Variants in ZCCHC8 observed in about 807,000 individuals in gnomAD.
The protein encoded by ZCCHC8 is zinc finger CCHC domain-containing protein 8.
A neutral mutation model predicts 70.6 loss-of-function variants in ZCCHC8; 27 were observed. The observed-to-expected ratio is 0.38, with a 90% confidence interval of 0.28 to 0.53. ZCCHC8 has a LOEUF of 0.53. Ranked by LOEUF, ZCCHC8 falls within the 20% of genes least tolerant of loss-of-function variation. The pLI, the probability that ZCCHC8 is intolerant of heterozygous loss-of-function variation, is 0.81. For missense variants in ZCCHC8, 737 were observed against 876.9 expected (o/e 0.84, Z 2.01); for synonymous variants, 293 against 317.4 (o/e 0.92, Z 0.82).
chr12:122,476,750 C>T (rs555850343), intron 13 of ZCCHC8, among the ~76,000 whole-genome samples: 5 of 152,238 alleles, frequency 3.3e-5, no homozygotes, highest in South Asian at 4.1e-4. Flanking sequence ...GGGCCAGGCA[C>T]GGTGGCTCAC....
intron 2 of ZCCHC8, among the ~76,000 whole-genome samples, chr12:122,497,140 C>T (rs923509656): frequency 2.7e-5 from 4 of 150,880 alleles, no homozygotes; most frequent in South Asian, 2.1e-4. Flanking sequence ...GGCGACAGAG[C>T]GAGACTCCAT....
intron 2 of ZCCHC8, among the ~76,000 whole-genome samples, chr12:122,495,784 G>A (rs2137370053): frequency 6.9e-6 from 1 of 143,960 alleles, no homozygotes; most frequent in Non-Finnish European, 1.5e-5. Context: ...GGAGGCAGAG[G>A]TTGCAGTGAG....
chr12:122,495,847 C>CAAAAAAAAAA (rs538311699), intron 2 of ZCCHC8, among the ~76,000 whole-genome samples: 3 of 78,316 alleles, frequency 3.8e-5, no homozygotes, highest in East Asian at 5.5e-4. Flanking sequence ...CACTCTGTCT[C>CAAAAAAAAAA]AAAAAAAAAA....
chr12:122,489,722 T>C (rs572456490), intron 4 of ZCCHC8, among the ~76,000 whole-genome samples: 47 of 152,304 alleles, frequency 3.1e-4, no homozygotes, highest in African/African-American at 9.4e-4. Flanking sequence ...TATATAGTTT[T>C]ACATTACTGG....
In ZCCHC8 at chr12:122,483,744, C is replaced by T. The variant is rs1957582128; in HGVS notation, c.502-181G>A. 1 of 586,552 alleles carries T rather than the reference C, an allele frequency of 1.7e-6. No individual in the cohort carries two copies. The highest frequency in any genetic ancestry group is 1.9e-5 in the African/African-American group (1 of 53,714). The allele number at this position is 586,552 out of a possible 1,614,324, so 36.3% of individuals were successfully genotyped here. On this transcript the variant is annotated intron_variant, in intron 5 of 13. Coordinates refer to ENST00000633063, the MANE Select transcript of ZCCHC8 (RefSeq NM_017612.5). The surrounding 1 kb of genome is among the most constrained non-coding windows in gnomAD (Gnocchi z 4.4). ...AAGTAGAAACTACATCGTCAGTTCCCTCTCTCTGCTAGATCAGTTTTTCCT... is the reference window on the plus strand; with the variant it reads ...AAGTAGAAACTACATCGTCAGTTCCTTCTCTCTGCTAGATCAGTTTTTCCT...
chr12:122,489,303 C>T (rs2137354776), intron 5 of ZCCHC8, 83 bp downstream of exon 5: 3 of 1,304,244 alleles, frequency 2.3e-6, no homozygotes, highest in African/African-American at 1.5e-5. Context: ...GACTATACTA[C>T]TTTATCTTTT....
chr12:122,493,775 G>A (rs1158778328), intron 2 of ZCCHC8, among the ~76,000 whole-genome samples: 1 of 151,936 alleles, frequency 6.6e-6, no homozygotes, highest in Admixed American at 6.6e-5. Context: ...ACCATGCCCA[G>A]CTAAGTTTTT....
intron 11 of ZCCHC8, among the ~76,000 whole-genome samples, chr12:122,479,927 C>T (rs1250248862): frequency 6.6e-6 from 1 of 152,136 alleles, no homozygotes; most frequent in African/African-American, 2.4e-5. Flanking sequence ...CCTCCCACCC[C>T]AGCCTCCCTA....
chr12:122,474,788 GCA>G (rs199603120), intron 13 of ZCCHC8, among the ~76,000 whole-genome samples: 50,940 of 146,774 alleles, frequency 0.35, 10,752 homozygotes, highest in Non-Finnish European at 0.44. Context: ...AGGCTGGAGT[GCA>G]GTGGCACAAT....
chr12:122,476,124 C>T (rs2137322204), intron 13 of ZCCHC8, among the ~76,000 whole-genome samples: 1 of 152,330 alleles, frequency 6.6e-6, no homozygotes, highest in East Asian at 1.9e-4. Context: ...CTGTATATAT[C>T]ACTGTGGGCC....
chr12:122,480,271 CT>C lies in ZCCHC8; in HGVS notation c.1058del (p.Gln353ArgfsTer60), dbSNP rs1957505683. ...DGETEVGEIQQNKSVTYDLSK... is the reference protein window; with the variant it reads ...DGETEVGEIQXNKSVTYDLSK... ...AGAGATCGTAAGTGACACTTTTATT[CT>C]GTTGTATTTCTCCAACTTCTGTTTC... On this transcript the variant is annotated frameshift_variant, in exon 11 of 14. Coordinates refer to ENST00000633063, the MANE Select transcript of ZCCHC8 (RefSeq NM_017612.5). LOFTEE classifies it high-confidence loss of function. 6.2e-7 allele frequency: 1 copy of C among 1,608,960 alleles called. No homozygotes were observed. The highest frequency in any genetic ancestry group is 1.7e-5 in the Admixed American group (1 of 59,288).
At chr12:122,481,822 T>C (rs1472926177) in intron 9 of ZCCHC8, 123 bp downstream of exon 9, 29 of 1,392,982 alleles carry the variant, frequency 2.1e-5, no homozygotes, top group Non-Finnish European at 2.8e-5. Context: ...AATGAATTAA[T>C]GTATATTACC....
At chr12:122,484,646 G>C (rs1319083955) in intron 5 of ZCCHC8, among the ~76,000 whole-genome samples, 1 of 151,776 alleles carries the variant, frequency 6.6e-6, no homozygotes, top group Non-Finnish European at 1.5e-5. Flanking sequence ...TCCCGCCTCA[G>C]CCTCCCAAAG....
At chr12:122,495,367 A>T (rs11058398) in intron 2 of ZCCHC8, among the ~76,000 whole-genome samples, 93,013 of 151,828 alleles carry the variant, frequency 0.61, 29,332 homozygotes, top group African/African-American at 0.75. Context: ...GGCACACACC[A>T]GTAGCCCCAG....
At chr12:122,476,662 G>A (rs1399851367) in intron 13 of ZCCHC8, among the ~76,000 whole-genome samples, 1 of 151,704 alleles carries the variant, frequency 6.6e-6, no homozygotes, top group Non-Finnish European at 1.5e-5. Flanking sequence ...AACTGAAAAT[G>A]CCTACACAGA....
At chr12:122,488,372 T>A (rs1486316731) in intron 5 of ZCCHC8, among the ~76,000 whole-genome samples, 1 of 151,720 alleles carries the variant, frequency 6.6e-6, no homozygotes, top group Non-Finnish European at 1.5e-5. Context: ...TAGAGATGAG[T>A]TCTGGCTATG....
intron 4 of ZCCHC8, 91 bp from the exon 5 acceptor site, chr12:122,489,554 T>C: frequency 8.5e-7 from 1 of 1,179,398 alleles, no homozygotes; most frequent in African/African-American, 1.5e-5. Flanking sequence ...AAGCTAAGAA[T>C]GTTTATGAAC....
In ZCCHC8 at chr12:122,474,108, T is replaced by C. The variant is rs1957368808; in HGVS notation, c.1513A>G (p.Thr505Ala). Residue 505 changes from threonine (T) to alanine (A), a missense_variant, in exon 14 of 14, where the codon ACA becomes GCA. Coordinates refer to ENST00000633063, the MANE Select transcript of ZCCHC8 (RefSeq NM_017612.5). ...LTPSDSPQTR[T>A]ASGAVDEDAL... Reference sequence around the variant, plus strand: ...TCCTCATCCACAGCTCCAGATGCTGTTCTGGTCTGGGGTGAGTCACTGGGA... The same window carrying C: ...TCCTCATCCACAGCTCCAGATGCTGCTCTGGTCTGGGGTGAGTCACTGGGA... The C allele has an allele frequency of 6.6e-7, 1 of 1,515,738 alleles. No homozygotes were observed. Among genetic ancestry groups the C allele is most frequent in the Non-Finnish European group, 8.8e-7 (1 of 1,135,012 alleles). 93.9% of individuals were successfully genotyped at this position (1,515,738 alleles called of 1,614,324 possible).
chr12:122,483,435 GATCTTC>G lies in ZCCHC8; in HGVS notation c.605+19_605+24del. ...GAACTTAGTGGCAAGATGCATAAAA[GATCTTC>G]ATTCACTATGTAGGATACTTGGGTA... On this transcript the variant is annotated intron_variant, in intron 6 of 13. Transcript: ENST00000633063. The surrounding 1 kb of genome is among the most constrained non-coding windows in gnomAD (Gnocchi z 4.4). 1 of 1,575,740 alleles carries G rather than the reference GATCTTC, an allele frequency of 6.3e-7. No individual in the cohort carries two copies. The highest frequency in any genetic ancestry group is 1.2e-5 in the South Asian group (1 of 86,046).
Sources: gnomAD v4.1 joint callset for allele counts (sites outside exome capture counted in the v4.1 genomes callset) on GRCh38, gnomAD v4.1.1 for gene constraint, Gnocchi (gnomAD v3.1) non-coding constraint, MANE v1.5 for transcripts, NCBI Gene and HGNC (gene_info 2026-07-23, HGNC 2026-07-21) for gene names.